PALD1: variants seen among roughly 807,000 people sequenced by gnomAD.
PALD1 encodes paladin.
PALD1 carries 57 observed loss-of-function variants against 96.0 expected under a neutral mutation model. That is an observed-to-expected ratio of 0.59 (90% CI 0.48 to 0.74). PALD1 has a LOEUF of 0.74. Among genes scored for constraint, PALD1 ranks in the 30% least tolerant of loss-of-function variants. The pLI is 0.00. For missense variants in PALD1, 1,063 were observed against 1,143.7 expected (o/e 0.93, Z 1.02); for synonymous variants, 464 against 473.6 (o/e 0.98, Z 0.26).
chr10:70,508,681 T>C (rs1430298773), intron 1 of PALD1, among the ~76,000 whole-genome samples: 1 of 151,416 alleles, frequency 6.6e-6, no homozygotes, highest in Non-Finnish European at 1.5e-5. Flanking sequence ...CCCAGTTTCC[T>C]CCTTTGTAAA....
chr10:70,459,083 C>G, the PALD1 span, among the ~76,000 whole-genome samples: 2 of 152,092 alleles, frequency 1.3e-5, no homozygotes, highest in South Asian at 4.1e-4. Context: ...TCACCCTTCC[C>G]CCATCCCACC....
At chr10:70,496,599 G>T (rs552490109) in intron 1 of PALD1, among the ~76,000 whole-genome samples, 1 of 152,142 alleles carries the variant, frequency 6.6e-6, no homozygotes, top group Non-Finnish European at 1.5e-5. Context: ...TATCAGTATC[G>T]TTCATTTCAT....
rs761156234 is a variant in PALD1, at chr10:70,533,075, C to A, written c.870+5C>A. 1.5e-5 allele frequency: 24 copies of A among 1,573,730 alleles called. No individual in the cohort carries two copies. In the Admixed American group the frequency reaches 1.7e-4, roughly 11 times the overall value. On this transcript the variant is annotated splice_donor_5th_base_variant and intron_variant, in intron 7 of 19. Coordinates refer to ENST00000263563, the MANE Select transcript of PALD1 (RefSeq NM_014431.3). ...GCCTTTGTCAGTGTTCTCCGGGTAA[C>A]TGGGGCACGGGCGCGCATGGGGGAG...
Position 70,538,276 on chromosome 10 carries a change from G to T in PALD1, c.1324-4G>T, listed in dbSNP as rs1234709251. The T allele has an allele frequency of 6.2e-7, 1 of 1,601,150 alleles. No homozygotes were observed. Among genetic ancestry groups the T allele is most frequent in the South Asian group, 1.1e-5 (1 of 91,056 alleles). On this transcript the variant is annotated splice_region_variant and splice_polypyrimidine_tract_variant and intron_variant, in intron 11 of 19. Coordinates refer to ENST00000263563, the MANE Select transcript of PALD1 (RefSeq NM_014431.3). ...ATTCCTCGTCTCTCTGCCTCGGGCTGCAGTACCCGCTGGCCTTTGCCCTCA... is the reference window on the plus strand; with the variant it reads ...ATTCCTCGTCTCTCTGCCTCGGGCTTCAGTACCCGCTGGCCTTTGCCCTCA...
the PALD1 span, among the ~76,000 whole-genome samples, chr10:70,460,466 G>A: frequency 6.6e-6 from 1 of 152,148 alleles, no homozygotes; most frequent in African/African-American, 2.4e-5. Flanking sequence ...CCAGCGTTCT[G>A]TCTGCAGCCA....
intron 1 of PALD1, among the ~76,000 whole-genome samples, chr10:70,495,662 T>A (rs1406681351): frequency 1.3e-5 from 2 of 152,020 alleles, no homozygotes; most frequent in African/African-American, 4.8e-5. Context: ...GCGTTTTCTC[T>A]ATAGACCTTT....
intron 1 of PALD1, among the ~76,000 whole-genome samples, chr10:70,503,897 G>A (rs1259339454): frequency 6.6e-5 from 10 of 152,114 alleles, no homozygotes; most frequent in African/African-American, 2.2e-4. Context: ...TTTGTATCAC[G>A]TCTTCTTTTA....
intron 1 of PALD1, among the ~76,000 whole-genome samples, chr10:70,484,641 C>T (rs1276128721): frequency 2.6e-5 from 4 of 151,876 alleles, no homozygotes; most frequent in Non-Finnish European, 5.9e-5. Context: ...CGGGTTCAAG[C>T]GATTCTCCTG....
chr10:70,482,366 C>T (rs755436050), intron 1 of PALD1, among the ~76,000 whole-genome samples: 2 of 152,292 alleles, frequency 1.3e-5, no homozygotes, highest in Non-Finnish European at 2.9e-5. Flanking sequence ...CTTTCGTTTC[C>T]CAGAGGGCAG....
At position 70,534,803 on chromosome 10, in the gene PALD1, A is replaced by G. The variant is rs1210712616; in HGVS notation, c.1187A>G (p.Gln396Arg). ...HDLKEVVLEN[Q>R]KKLEGIRPES... is the part of the protein sequence containing the mutation. ...CTGAAAGAAGTGGTCTTGGAAAACCAGAAGAAGTTAGAAGGTATCCGACCG... is the reference window on the plus strand; with the variant it reads ...CTGAAAGAAGTGGTCTTGGAAAACCGGAAGAAGTTAGAAGGTATCCGACCG... Residue 396 changes from glutamine to arginine, a missense_variant, in exon 10 of 20, where the codon CAG becomes CGG. Coordinates refer to ENST00000263563, the MANE Select transcript of PALD1 (RefSeq NM_014431.3). The G allele has an allele frequency of 1.9e-6, 3 of 1,612,226 alleles. No individual in the cohort carries two copies. Among genetic ancestry groups the G allele is most frequent in the Non-Finnish European group, 1.7e-6 (2 of 1,179,186 alleles).
chr10:70,506,664 A>G (rs1328863649), intron 1 of PALD1, among the ~76,000 whole-genome samples: 2 of 152,186 alleles, frequency 1.3e-5, no homozygotes, highest in Non-Finnish European at 2.9e-5. Flanking sequence ...TTTGGTCCTC[A>G]GGAGTGAGTG....
intron 1 of PALD1, among the ~76,000 whole-genome samples, chr10:70,511,564 C>T (rs1172622940): frequency 6.6e-6 from 1 of 152,214 alleles, no homozygotes; most frequent in Non-Finnish European, 1.5e-5. Context: ...TTATAATGAA[C>T]AGAAATTTAT....
intron 1 of PALD1, among the ~76,000 whole-genome samples, chr10:70,507,540 G>A (rs1846415223): frequency 6.6e-6 from 1 of 152,186 alleles, no homozygotes; most frequent in Non-Finnish European, 1.5e-5. Context: ...TCCCACCTTA[G>A]CCTCCCAAGT....
intron 1 of PALD1, among the ~76,000 whole-genome samples, chr10:70,515,340 T>A (rs1327705288): frequency 6.6e-6 from 1 of 152,156 alleles, no homozygotes; most frequent in Non-Finnish European, 1.5e-5. Flanking sequence ...CAAGAGCAGA[T>A]GGGAACCTAT....
chr10:70,539,529 A>G lies in PALD1; in HGVS notation c.1726-51A>G, dbSNP rs1847193087. ...TGGCAGGCTGTGGCCTTTCAGGGCT[A>G]GCCTAGAGCCTGCCCCAGTGGCCTG... On this transcript the variant is annotated intron_variant, in intron 14 of 19. Coordinates refer to ENST00000263563, the MANE Select transcript of PALD1 (RefSeq NM_014431.3). The surrounding 1 kb of genome is among the most constrained non-coding windows in gnomAD (Gnocchi z 4.5). 6.7e-7 allele frequency: 1 copy of G among 1,491,812 alleles called. No individual in the cohort carries two copies. The highest frequency in any genetic ancestry group is 9.0e-7 in the Non-Finnish European group (1 of 1,105,070). The allele number at this position is 1,491,812 out of a possible 1,614,324, so 92.4% of individuals were successfully genotyped here.
At chr10:70,465,846 C>G in the PALD1 span, among the ~76,000 whole-genome samples, 1 of 152,184 alleles carries the variant, frequency 6.6e-6, no homozygotes, top group Non-Finnish European at 1.5e-5. Flanking sequence ...TGCTTTGAAC[C>G]CCTGCCAGGG....
In PALD1 at chr10:70,539,177, T is replaced by C; in HGVS notation, c.1655T>C (p.Val552Ala). 5.6e-6 allele frequency: 9 copies of C among 1,613,156 alleles called. No individual in the cohort carries two copies. Among genetic ancestry groups the C allele is most frequent in the Non-Finnish European group, 7.6e-6 (9 of 1,179,658 alleles). Residue 552 changes from valine (V) to alanine (A), a missense_variant, in exon 14 of 20, where the codon GTG (valine) becomes GCG (alanine). Val to Ala is a moderately conservative substitution (Grantham distance 64). Coordinates refer to ENST00000263563, the MANE Select transcript of PALD1 (RefSeq NM_014431.3). The surrounding 1 kb of genome is among the most constrained non-coding windows in gnomAD (Gnocchi z 4.5). Reference sequence around the variant, plus strand: ...TGGGTGAGCCTTCGGGAGGAGGCCGTGTTGGAGTGTGACGGGCACACCTAC... The same window carrying C: ...TGGGTGAGCCTTCGGGAGGAGGCCGCGTTGGAGTGTGACGGGCACACCTAC... Reference protein sequence around the residue: ...VVWVSLREEAVLECDGHTYSL... With the variant: ...VVWVSLREEAALECDGHTYSL...
At chr10:70,554,103 T>C (rs1847540997) in intron 18 of PALD1, among the ~76,000 whole-genome samples, 1 of 152,194 alleles carries the variant, frequency 6.6e-6, no homozygotes. Flanking sequence ...GCCTCCTGCA[T>C]GTGAAGGGGC....
At chr10:70,527,424 A>G (rs971880873) in intron 2 of PALD1, among the ~76,000 whole-genome samples, 1 of 152,210 alleles carries the variant, frequency 6.6e-6, no homozygotes, top group Non-Finnish European at 1.5e-5. Flanking sequence ...TCAGCAAACT[A>G]CATCCTGCAG....
Sources: gnomAD v4.1 joint callset for allele counts (sites outside exome capture counted in the v4.1 genomes callset) on GRCh38, gnomAD v4.1.1 for gene constraint, Gnocchi (gnomAD v3.1) non-coding constraint, MANE v1.5 for transcripts, NCBI Gene and HGNC (gene_info 2026-07-23, HGNC 2026-07-21) for gene names.